The following ANKRD17 variants were observed in gnomAD, a reference collection of about 807,000 sequenced individuals.
ANKRD17 encodes ankyrin repeat domain 17.
In ANKRD17, 19 loss-of-function variants were observed where a neutral mutation model predicts 229.7. That is an observed-to-expected ratio of 0.08 (90% CI 0.06 to 0.12). ANKRD17 has a LOEUF of 0.12. Ranked by LOEUF, ANKRD17 falls within the 10% of genes least tolerant of loss-of-function variation. The pLI is 1.00. For missense variants in ANKRD17, 2,176 were observed against 3,176.8 expected (o/e 0.68, Z 7.57); for synonymous variants, 1,112 against 1,146.1 (o/e 0.97, Z 0.60).
At position 73,140,891 on chromosome 4, in the gene ANKRD17, T is replaced by C. The variant is rs141719951; in HGVS notation, c.2333-608A>G. Among the ~76,000 whole-genome samples, 762 of 152,310 alleles carry C rather than the reference T, an allele frequency of 5.0e-3. 2 individuals are homozygous for C. Among genetic ancestry groups the C allele is most frequent in the Admixed American group, 8.8e-3 (134 of 15,300 alleles). On this transcript the variant is annotated intron_variant, in intron 14 of 33. Transcript: ENST00000358602. ...ACACAGCTATCTGGCCAGTAGAGAA[T>C]TGGGATTCAGTTTCCCTGGAAGAAA...
chr4:73,202,389 CAG>C (rs1738795379), intron 1 of ANKRD17, among the ~76,000 whole-genome samples: 2 of 124,336 alleles, frequency 1.6e-5, no homozygotes, highest in African/African-American at 6.1e-5. Flanking sequence ...AGAAAAAGAT[CAG>C]AGTTTAGAGA....
At chr4:73,122,567 C>T (rs1260797397) in intron 18 of ANKRD17, among the ~76,000 whole-genome samples, 2 of 152,134 alleles carry the variant, frequency 1.3e-5, no homozygotes, top group African/African-American at 4.8e-5. Context: ...ACACAATATT[C>T]ATTCTCATTT....
chr4:73,192,246 C>T (rs958374728), intron 1 of ANKRD17, among the ~76,000 whole-genome samples: 10 of 151,848 alleles, frequency 6.6e-5, no homozygotes, highest in South Asian at 2.1e-4. Context: ...TAGAATAGTG[C>T]CTTAAACATT....
intron 1 of ANKRD17, among the ~76,000 whole-genome samples, chr4:73,183,612 T>C (rs904097349): frequency 2.6e-5 from 4 of 152,030 alleles, no homozygotes; most frequent in Non-Finnish European, 4.4e-5. Flanking sequence ...TAGCTGGAAA[T>C]ACAGGCGCAT....
intron 1 of ANKRD17, among the ~76,000 whole-genome samples, chr4:73,187,392 T>C (rs1736439502): frequency 6.6e-6 from 1 of 152,184 alleles, no homozygotes. Flanking sequence ...TAATATATGA[T>C]TCACTAAAGT....
chr4:73,158,202 G>T (rs1157155136), intron 3 of ANKRD17, among the ~76,000 whole-genome samples: 1 of 151,760 alleles, frequency 6.6e-6, no homozygotes, highest in African/African-American at 2.4e-5. Flanking sequence ...GAGAAAGAAA[G>T]AAAGAAAAGT....
intron 1 of ANKRD17, among the ~76,000 whole-genome samples, chr4:73,203,651 G>C (rs534322638): frequency 2.0e-5 from 3 of 151,276 alleles, no homozygotes; most frequent in Non-Finnish European, 4.4e-5. Context: ...CCAGCTACTC[G>C]GGAGGCTGAG....
At chr4:73,229,882 A>G (rs1052663660) in intron 1 of ANKRD17, among the ~76,000 whole-genome samples, 11 of 152,180 alleles carry the variant, frequency 7.2e-5, no homozygotes, top group African/African-American at 2.7e-4. Context: ...ACTGCTGGAT[A>G]CATTTATTTC....
At chr4:73,195,036 C>T (rs1393492687) in intron 1 of ANKRD17, among the ~76,000 whole-genome samples, 1 of 152,070 alleles carries the variant, frequency 6.6e-6, no homozygotes, top group African/African-American at 2.4e-5. Flanking sequence ...ATTATTGTAA[C>T]TCTCTTATAT....
intron 5 of ANKRD17, among the ~76,000 whole-genome samples, chr4:73,154,989 C>T (rs1234618318): frequency 2.0e-5 from 3 of 148,996 alleles, no homozygotes; most frequent in Admixed American, 1.3e-4. Context: ...TGCAGTGAGC[C>T]GAGATCCCGC....
intron 24 of ANKRD17, among the ~76,000 whole-genome samples, chr4:73,105,801 T>C (rs1347758800): frequency 6.6e-6 from 1 of 152,140 alleles, no homozygotes; most frequent in Non-Finnish European, 1.5e-5. Flanking sequence ...TGAGAAAAAG[T>C]TCCATTAGGA....
At chr4:73,236,488 G>A (rs940901272) in intron 1 of ANKRD17, among the ~76,000 whole-genome samples, 3 of 152,072 alleles carry the variant, frequency 2.0e-5, no homozygotes, top group African/African-American at 7.2e-5. Flanking sequence ...ATATTGTATG[G>A]TTCACACCTC....
intron 1 of ANKRD17, among the ~76,000 whole-genome samples, chr4:73,245,470 CTCTCTTCGCTG>C (rs1257426020): frequency 6.6e-6 from 1 of 152,142 alleles, no homozygotes; most frequent in African/African-American, 2.4e-5. Flanking sequence ...TACAATTGTT[CTCTCTTCGCTG>C]TATCTTCCCT....
At chr4:73,187,863 A>G (rs16849187) in intron 1 of ANKRD17, among the ~76,000 whole-genome samples, 3,249 of 152,294 alleles carry the variant, frequency 0.021, 115 homozygotes, top group African/African-American at 0.074. Context: ...CCAAAAGCCT[A>G]TGTTCTAGGG....
intron 1 of ANKRD17, among the ~76,000 whole-genome samples, chr4:73,232,723 C>G (rs573114550): frequency 2.0e-5 from 3 of 151,532 alleles, no homozygotes; most frequent in Admixed American, 2.0e-4. Context: ...GTCTGCAATA[C>G]CCCCCCTTTT....
intron 30 of ANKRD17, among the ~76,000 whole-genome samples, chr4:73,082,710 T>G (rs1277760620): frequency 6.6e-6 from 1 of 152,170 alleles, no homozygotes; most frequent in African/African-American, 2.4e-5. Context: ...TGGCTTGTAG[T>G]CTTCATAAAA....
chr4:73,112,932 C>T (rs960368773), intron 24 of ANKRD17: 5 of 292,896 alleles, frequency 1.7e-5, no homozygotes, highest in Non-Finnish European at 2.5e-5. Flanking sequence ...GGATTACAGG[C>T]ATGCACCACC....
intron 18 of ANKRD17, among the ~76,000 whole-genome samples, chr4:73,122,636 C>T (rs1025107753): frequency 6.6e-6 from 1 of 152,046 alleles, no homozygotes; most frequent in African/African-American, 2.4e-5. Flanking sequence ...TACCCCTGCT[C>T]TTACTATTAA....
chr4:73,188,356 G>A (rs908158604), intron 1 of ANKRD17, among the ~76,000 whole-genome samples: 2 of 152,144 alleles, frequency 1.3e-5, no homozygotes, highest in Non-Finnish European at 2.9e-5. Flanking sequence ...GGAGGCCAAG[G>A]TAGGCGGATC....
Sources: allele counts gnomAD v4.1 joint callset (sites outside exome capture counted in the v4.1 genomes callset), GRCh38; gene constraint gnomAD v4.1.1; transcripts MANE v1.5; gene names NCBI Gene and HGNC (gene_info 2026-07-23, HGNC 2026-07-21).